Variants in ENDOV observed in about 807,000 individuals in gnomAD.
ENDOV encodes endonuclease V, also known as hEndoV.
A neutral mutation model predicts 39.4 loss-of-function variants in ENDOV; 37 were observed. That is an observed-to-expected ratio of 0.94 (90% confidence interval 0.72 to 1.23). The LOEUF is 1.23. ENDOV is among the 50% of genes most tolerant of loss of function. The pLI is 0.00. For synonymous variants in ENDOV, 186 were observed against 163.4 expected (o/e 1.14, Z -1.05); for missense variants, 441 against 375.7 (o/e 1.17, Z -1.44).
At position 80,436,464 on chromosome 17, in the gene ENDOV, T is replaced by TA. The variant is rs1269904836; in HGVS notation, c.*323dup. 15 of 949,882 alleles carry TA rather than the reference T, an allele frequency of 1.6e-5. No homozygotes were observed. In the East Asian group the frequency reaches 3.3e-4, roughly 21 times the overall value. The allele number at this position is 949,882 out of a possible 1,614,324, so 58.8% of individuals were successfully genotyped here. The stretch of plus-strand genomic sequence containing the variant: ...ACGGTCCCTTCTAGTCCTAATTTGT[T>TA]AAGTGTTTTTATCCTTAAAGGGTAC... On this transcript the variant is annotated 3_prime_UTR_variant, in exon 10 of 10. Transcript: ENST00000518137.
intron 9 of ENDOV, 73 bp from the exon 10 acceptor site, chr17:80,436,060 C>T: frequency 1.3e-6 from 2 of 1,554,182 alleles, no homozygotes; most frequent in African/African-American, 1.4e-5. Flanking sequence ...TGGCCCATTT[C>T]CACTTCCTCC....
intron 9 of ENDOV, among the ~76,000 whole-genome samples, chr17:80,435,741 A>C (rs2083555052): frequency 6.6e-6 from 1 of 150,712 alleles, no homozygotes; most frequent in South Asian, 2.1e-4. Flanking sequence ...CAGCCTCCTG[A>C]GTAGCTGGGA....
At chr17:80,421,596 G>A (rs2082041220) in intron 2 of ENDOV, among the ~76,000 whole-genome samples, 1 of 151,724 alleles carries the variant, frequency 6.6e-6, no homozygotes, top group Non-Finnish European at 1.5e-5. Context: ...GTCCTGGGGG[G>A]GTCTGCTCCT....
chr17:80,421,878 G>A lies in ENDOV; in HGVS notation c.279G>A (p.Ser93=), dbSNP rs551328010. 1.7e-5 allele frequency: 28 copies of A among 1,607,318 alleles called. No individual in the cohort carries two copies. Among genetic ancestry groups the A allele is most frequent in the Admixed American group, 3.4e-5 (2 of 59,288 alleles). The change falls in exon 3 of 10, where the codon TCG becomes TCA. Residue 93 remains serine (S), a synonymous_variant. Coordinates refer to ENST00000518137, the MANE Select transcript of ENDOV (RefSeq NM_173627.5). ...RMVSLTAPYV[S]GFLAFREVPF... ...TCAGCCTCACAGCCCCCTACGTGTCGGGCTTCCTGGCCTTCCGAGAGGTGC... is the reference window on the plus strand; with the variant it reads ...TCAGCCTCACAGCCCCCTACGTGTCAGGCTTCCTGGCCTTCCGAGAGGTGC...
At chr17:80,429,731 C>A (rs372874377) in intron 8 of ENDOV, 42 bp from the exon 9 acceptor site, 14 of 1,557,138 alleles carry the variant, frequency 9.0e-6, no homozygotes, top group Middle Eastern at 1.7e-4. Flanking sequence ...GTCAGGTAGG[C>A]GCTAGCATCT....
chr17:80,429,550 G>A (rs548006944), intron 8 of ENDOV, among the ~76,000 whole-genome samples: 2 of 152,344 alleles, frequency 1.3e-5, no homozygotes, highest in African/African-American at 2.4e-5. Context: ...AACTGAGGGA[G>A]CAGGTGGCGG....
chr17:80,430,157 G>T (rs947027544), intron 9 of ENDOV: 4 of 1,506,374 alleles, frequency 2.7e-6, no homozygotes, highest in African/African-American at 1.4e-5. Context: ...TCCGTCATCG[G>T]CTGGTCAGCT....
chr17:80,421,824 T>C lies in ENDOV; in HGVS notation c.229-4T>C. The C allele has an allele frequency of 6.3e-7, 1 of 1,593,756 alleles. No individual in the cohort carries two copies. The highest frequency in any genetic ancestry group is 8.5e-7 in the Non-Finnish European group (1 of 1,170,776). ...TTCCCACTGAGCTGCGTGCCTGGTG[T>C]CAGGTGGTGTATGAGGAGAGCCGCA... On this transcript the variant is annotated splice_region_variant and splice_polypyrimidine_tract_variant and intron_variant, in intron 2 of 9. Transcript: ENST00000518137.
intron 2 of ENDOV, chr17:80,416,361 C>T (rs1319135812): frequency 6.5e-6 from 1 of 153,884 alleles, no homozygotes; most frequent in African/African-American, 2.4e-5. Context: ...TGATTGTTAT[C>T]TTGGGTTCTT....
At chr17:80,420,852 T>C (rs1328222802) in intron 2 of ENDOV, among the ~76,000 whole-genome samples, 1 of 152,222 alleles carries the variant, frequency 6.6e-6, no homozygotes, top group Non-Finnish European at 1.5e-5. Flanking sequence ...TAATTTTGTA[T>C]TTTTAGTAAA....
At chr17:80,421,721 T>G (rs1599355861) in intron 2 of ENDOV, 107 bp from the exon 3 acceptor site, 1 of 1,401,550 alleles carries the variant, frequency 7.1e-7, no homozygotes, top group South Asian at 1.3e-5. Context: ...GCCATGAGGG[T>G]GACGTAAGGG....
At chr17:80,419,407 G>T in intron 2 of ENDOV, 1 of 588,730 alleles carries the variant, frequency 1.7e-6, no homozygotes, top group Non-Finnish European at 3.1e-6. Context: ...CATGGCTGGT[G>T]TGTGCTGCTC....
chr17:80,417,786 A>C (rs991106136), intron 2 of ENDOV: 1 of 152,188 alleles, frequency 6.6e-6, no homozygotes, highest in Admixed American at 6.5e-5. Context: ...GGTAGAAACC[A>C]TGTTGCTTTG....
At chr17:80,425,342 G>A (rs976674526) in intron 6 of ENDOV, 150 bp from the exon 7 acceptor site, 117 of 1,213,784 alleles carry the variant, frequency 9.6e-5, no homozygotes, top group Non-Finnish European at 1.2e-4. Context: ...GCGCCCTGAG[G>A]GTGGGCAGGC....
intron 1 of ENDOV, 157 bp from the exon 2 acceptor site, chr17:80,415,493 G>T: frequency 9.0e-7 from 1 of 1,109,878 alleles, no homozygotes; most frequent in Admixed American, 2.9e-5. Context: ...CCGCCGCCTG[G>T]GCTCCTAGGG....
rs1157209678 is a variant in ENDOV, at chr17:80,415,180, G to A, written c.-15G>A. On this transcript the variant is annotated 5_prime_UTR_variant, in exon 1 of 10. Transcript: ENST00000518137. Reference sequence around the variant, plus strand: ...TCCGGAAGTGACGTGCGGAAGGGGTGCCCGGGACGAAGCCATGGCCCTGGA... The same window carrying A: ...TCCGGAAGTGACGTGCGGAAGGGGTACCCGGGACGAAGCCATGGCCCTGGA... 6.2e-7 allele frequency: 1 copy of A among 1,612,530 alleles called. No homozygotes were observed. Among genetic ancestry groups the A allele is most frequent in the Admixed American group, 1.7e-5 (1 of 59,916 alleles).
At chr17:80,424,770 A>G (rs1288971783) in intron 5 of ENDOV, among the ~76,000 whole-genome samples, 1 of 152,194 alleles carries the variant, frequency 6.6e-6, no homozygotes, top group Non-Finnish European at 1.5e-5. Context: ...CCTGGCTAGC[A>G]TGGTGAAACC....
At chr17:80,435,495 C>T (rs2083542059) in intron 9 of ENDOV, among the ~76,000 whole-genome samples, 1 of 152,204 alleles carries the variant, frequency 6.6e-6, no homozygotes, top group Admixed American at 6.5e-5. Context: ...CGCTCTGTTG[C>T]CAAGACTGGA....
intron 5 of ENDOV, chr17:80,423,901 T>C: frequency 4.0e-6 from 2 of 495,486 alleles, no homozygotes; most frequent in South Asian, 5.9e-5. Flanking sequence ...GCACACCAAG[T>C]AGGGCTAAGT....
Sources: allele counts gnomAD v4.1 joint callset (sites outside exome capture counted in the v4.1 genomes callset), GRCh38; gene constraint gnomAD v4.1.1; transcripts MANE v1.5; gene names NCBI Gene and HGNC (gene_info 2026-07-23, HGNC 2026-07-21).